The following SH3GLB2 variants were observed in gnomAD, a reference collection of about 807,000 sequenced individuals.
SH3GLB2 encodes the protein SH3 domain containing GRB2 like, endophilin B2.
Under a neutral mutation model 48.0 loss-of-function variants are expected in SH3GLB2, and 24 were observed. That is an observed-to-expected ratio of 0.50 (90% CI 0.36 to 0.70). SH3GLB2 has a LOEUF of 0.70. SH3GLB2 is among the 30% of genes least tolerant of loss of function. The pLI is 0.00. For missense variants in SH3GLB2, 425 were observed against 516.0 expected (o/e 0.82, Z 1.71); for synonymous variants, 227 against 207.6 (o/e 1.09, Z -0.80).
At chr9:129,028,050 C>T in intron 1 of SH3GLB2, 42 bp downstream of exon 1, 2 of 1,489,796 alleles carry the variant, frequency 1.3e-6, no homozygotes, top group Non-Finnish European at 1.8e-6. Context: ...CCGCCCGCCG[C>T]ACATCCGGGC....
intron 1 of SH3GLB2, among the ~76,000 whole-genome samples, chr9:129,025,201 G>A (rs1564587124): frequency 6.6e-6 from 1 of 150,846 alleles, no homozygotes; most frequent in Admixed American, 6.6e-5. Context: ...GCTTGAACCG[G>A]GGAGGCGGAG....
Position 129,009,868 on chromosome 9 carries a change from T to G in SH3GLB2, c.742A>C (p.Asn248His), listed in dbSNP as rs1705852403. 6.2e-7 allele frequency: 1 copy of G among 1,613,006 alleles called. No homozygotes were observed. The part of the protein sequence containing the change: ...LLEGISSTHV[N>H]HLRCLHEFVK... ...AACTCGTGGAGGCAGCGCAGGTGGTTCACCTGCGGGGAAGAGGCCAGAGGC... is the reference window on the plus strand; with the variant it reads ...AACTCGTGGAGGCAGCGCAGGTGGTGCACCTGCGGGGAAGAGGCCAGAGGC... Residue 248 changes from asparagine (N) to histidine (H), a missense_variant, in exon 9 of 11, where the codon AAC becomes CAC. Physicochemically the swap from Asn to His is moderately conservative, Grantham distance 68 (BLOSUM62 1). Transcript: ENST00000372564.
intron 1 of SH3GLB2, among the ~76,000 whole-genome samples, chr9:129,023,423 G>C (rs1843944411): frequency 6.6e-6 from 1 of 152,146 alleles, no homozygotes; most frequent in Non-Finnish European, 1.5e-5. Context: ...GGGACACCAA[G>C]GCCTTCTCTA....
intron 1 of SH3GLB2, among the ~76,000 whole-genome samples, chr9:129,025,390 C>T (rs945669787): frequency 4.0e-5 from 6 of 151,414 alleles, no homozygotes; most frequent in Admixed American, 4.0e-4. Context: ...TGGTGAAACC[C>T]TGTCTCTACT....
intron 3 of SH3GLB2, chr9:129,016,005 A>G: frequency 5.9e-6 from 1 of 170,192 alleles, no homozygotes; most frequent in Non-Finnish European, 1.3e-5. Context: ...TAAAGAAAAA[A>G]TTGTTCATCC....
chr9:129,009,518 C>A, intron 9 of SH3GLB2, 172 bp from the exon 10 acceptor site: 2 of 1,548,210 alleles, frequency 1.3e-6, no homozygotes, highest in East Asian at 2.4e-5. Flanking sequence ...GATGGCCCCA[C>A]CCCCTGGTCC....
chr9:129,026,830 C>A (rs538342027), intron 1 of SH3GLB2, among the ~76,000 whole-genome samples: 7 of 152,340 alleles, frequency 4.6e-5, no homozygotes, highest in Admixed American at 4.6e-4. Context: ...GGGATCCTGG[C>A]ATCTCCACTA....
Position 129,011,034 on chromosome 9 carries a change from C to T in SH3GLB2, c.625-341G>A, listed in dbSNP as rs1052872878. 7 of 362,076 alleles carry T rather than the reference C, an allele frequency of 1.9e-5. No individual in the cohort carries two copies. The highest frequency in any genetic ancestry group is 4.2e-5 in the Admixed American group (1 of 23,624). The allele number at this position is 362,076 out of a possible 1,614,324, so 22.4% of individuals were successfully genotyped here. A position where few individuals can be genotyped will look rare whatever the true frequency, so the allele number is the denominator to read the frequency against. On this transcript the variant is annotated intron_variant, in intron 6 of 10. Transcript: ENST00000372564. The surrounding 1 kb of genome is among the most constrained non-coding windows in gnomAD (Gnocchi z 4.5). ...TGCTGGCTCAGGCTGCTGGGCTGGG[C>T]GGCAGAACTGTGTGACCCTGGGCCA...
Position 129,009,866 on chromosome 9 carries a change from G to A in SH3GLB2, c.744C>T (p.Asn248=), listed in dbSNP as rs748403878. ...LLEGISSTHV[N]HLRCLHEFVK... is the part of the protein sequence containing the mutation. The stretch of plus-strand genomic sequence containing the variant: ...CGAACTCGTGGAGGCAGCGCAGGTG[G>A]TTCACCTGCGGGGAAGAGGCCAGAG... The change falls in exon 9 of 11, where the codon AAC becomes AAT. Residue 248 remains asparagine, a synonymous_variant. Coordinates refer to ENST00000372564, the MANE Select transcript of SH3GLB2 (RefSeq NM_020145.4). 6.2e-7 allele frequency: 1 copy of A among 1,613,066 alleles called. No homozygotes were observed. The highest frequency in any genetic ancestry group is 8.5e-7 in the Non-Finnish European group (1 of 1,179,354).
chr9:129,007,232 C>CT lies in SH3GLB2; in HGVS notation c.*1451_*1452insA, dbSNP rs1842831819. 6.6e-6 allele frequency: 1 copy of CT among 152,202 alleles called. No homozygotes were observed. The highest frequency in any genetic ancestry group is 1.5e-5 in the Non-Finnish European group (1 of 68,102). The allele number at this position is 152,202 out of a possible 1,614,324, so 9.4% of individuals were successfully genotyped here. ...AGGTACTGATGGATGGCTAGTTCAC[C>CT]AGCATCTCCTCATTCCTGTCCTTGG... is the stretch of plus-strand genomic sequence containing the variant. On this transcript the variant is annotated 3_prime_UTR_variant, in exon 11 of 11. Coordinates refer to ENST00000372564, the MANE Select transcript of SH3GLB2 (RefSeq NM_020145.4).
At position 129,008,599 on chromosome 9, in the gene SH3GLB2, T is replaced by A; in HGVS notation, c.*85A>T. Reference sequence around the variant, plus strand: ...GAATTCTCCCCACTCTGAACAACTGTGTCACCAACAAACAAGTTAAGTGGC... The same window carrying A: ...GAATTCTCCCCACTCTGAACAACTGAGTCACCAACAAACAAGTTAAGTGGC... On this transcript the variant is annotated 3_prime_UTR_variant, in exon 11 of 11. Coordinates refer to ENST00000372564, the MANE Select transcript of SH3GLB2 (RefSeq NM_020145.4). 9.7e-7 allele frequency: 1 copy of A among 1,025,966 alleles called. No individual in the cohort carries two copies. Among genetic ancestry groups the A allele is most frequent in the Non-Finnish European group, 1.5e-6 (1 of 665,252 alleles). 63.6% of individuals were successfully genotyped at this position (1,025,966 alleles called of 1,614,324 possible).
intron 6 of SH3GLB2, 24 bp from the exon 7 acceptor site, chr9:129,010,717 G>A: frequency 1.2e-6 from 2 of 1,613,826 alleles, no homozygotes; most frequent in South Asian, 2.2e-5. Flanking sequence ...AGCAGGAGTG[G>A]CCAGCAGGGG....
In SH3GLB2 at chr9:129,018,495, T is replaced by G. The variant is rs188941344; in HGVS notation, c.334+2596A>C. On this transcript the variant is annotated intron_variant, in intron 3 of 10. Coordinates refer to ENST00000372564, the MANE Select transcript of SH3GLB2 (RefSeq NM_020145.4). Reference sequence around the variant, plus strand: ...GGAAGGCTGAGGCAAGAGAATTGCTTGAACCCAGGAGGCGGAGGTTGCAGT... The same window carrying G: ...GGAAGGCTGAGGCAAGAGAATTGCTGGAACCCAGGAGGCGGAGGTTGCAGT... Among the ~76,000 whole-genome samples the G allele has an allele frequency of 1.9e-4, 29 of 151,120 alleles. 1 individual carries two copies. Among genetic ancestry groups the G allele is most frequent in the African/African-American group, 6.8e-4 (28 of 40,876 alleles).
chr9:129,018,054 T>C (rs540056085), intron 3 of SH3GLB2, among the ~76,000 whole-genome samples: 1 of 152,232 alleles, frequency 6.6e-6, no homozygotes, highest in Non-Finnish European at 1.5e-5. Flanking sequence ...ATGGCACCAT[T>C]GCACTCCAGC....
intron 5 of SH3GLB2, 180 bp from the exon 6 acceptor site, chr9:129,012,478 G>T: frequency 2.4e-6 from 1 of 412,370 alleles, no homozygotes; most frequent in Non-Finnish European, 4.2e-6. Context: ...GAGATGAGGG[G>T]CCTAGGGACT....
chr9:129,024,313 G>A (rs1458149514), intron 1 of SH3GLB2, among the ~76,000 whole-genome samples: 1 of 146,544 alleles, frequency 6.8e-6, no homozygotes, highest in Non-Finnish European at 1.5e-5. Flanking sequence ...TATAATCCCA[G>A]CACTTTGGGA....
intron 5 of SH3GLB2, chr9:129,013,953 C>T (rs1479180019): frequency 2.0e-5 from 9 of 453,276 alleles, no homozygotes; most frequent in East Asian, 6.9e-5. Context: ...CCCTCGGACA[C>T]GGCCCTGAGC....
At position 129,028,237 on chromosome 9, in the gene SH3GLB2, C is replaced by G; in HGVS notation, c.-83G>C. The G allele has an allele frequency of 5.3e-6, 5 of 940,820 alleles. No individual in the cohort carries two copies. The highest frequency in any genetic ancestry group is 6.5e-6 in the Non-Finnish European group (5 of 772,816). 58.3% of individuals were successfully genotyped at this position (940,820 alleles called of 1,614,324 possible). A position where few individuals can be genotyped will look rare whatever the true frequency, so the allele number is the denominator to read the frequency against. Reference sequence around the variant, plus strand: ...GCCGCCGCCGCCAACCGCACCCCGCCCACCTGCTGCGGGGCACCAGCCCTC... The same window carrying G: ...GCCGCCGCCGCCAACCGCACCCCGCGCACCTGCTGCGGGGCACCAGCCCTC... On this transcript the variant is annotated 5_prime_UTR_variant, in exon 1 of 11. Coordinates refer to ENST00000372564, the MANE Select transcript of SH3GLB2 (RefSeq NM_020145.4).
chr9:129,013,947 C>T (rs893640865), intron 5 of SH3GLB2: 4 of 450,006 alleles, frequency 8.9e-6, no homozygotes, highest in Admixed American at 2.4e-5. Context: ...TGGGACCCCT[C>T]GGACACGGCC....
Sources: gnomAD v4.1 joint callset for allele counts (sites outside exome capture counted in the v4.1 genomes callset) on GRCh38, gnomAD v4.1.1 for gene constraint, Gnocchi (gnomAD v3.1) non-coding constraint, MANE v1.5 for transcripts, NCBI Gene and HGNC (gene_info 2026-07-23, HGNC 2026-07-21) for gene names.